Variants in CPB2 observed in about 807,000 individuals in gnomAD.
CPB2 encodes the protein carboxypeptidase B2, also known as carboxypeptidase B-like protein.
CPB2 carries 54 observed loss-of-function variants against 57.0 expected under a neutral mutation model. The observed-to-expected ratio is 0.95, with a 90% confidence interval of 0.76 to 1.19. CPB2 has a LOEUF of 1.19. CPB2 is among the 50% of genes most tolerant of loss of function. The pLI, the probability that CPB2 is intolerant of heterozygous loss-of-function variation, is 0.00. For missense variants in CPB2, 426 were observed against 512.0 expected (o/e 0.83, Z 1.62); for synonymous variants, 189 against 178.1 (o/e 1.06, Z -0.49).
chr13:46,104,603 G>C (rs2045472114), intron 1 of CPB2, among the ~76,000 whole-genome samples: 1 of 152,118 alleles, frequency 6.6e-6, no homozygotes, highest in African/African-American at 2.4e-5. Context: ...TGTGAAGACA[G>C]GAAGAATATG....
intron 2 of CPB2, 83 bp downstream of exon 2, chr13:46,087,662 C>A: frequency 2.3e-6 from 2 of 872,442 alleles, no homozygotes; most frequent in South Asian, 1.4e-5. Flanking sequence ...TACATGTAAG[C>A]CAGACAACAT....
rs1219128845 is a variant in CPB2 at position 46,098,536 on chromosome 13, C to CAGCTTCCT, written c.74+6399_74+6400insAGGAAGCT. ...CTAGATCTCCATCCAGGGATGAACTCTTATTTCCTCAGCTTCTTTGTCTCC... is the reference window on the plus strand; with the variant it reads ...CTAGATCTCCATCCAGGGATGAACTCAGCTTCCTTTATTTCCTCAGCTTCTTTGTCTCC... On this transcript the variant is annotated intron_variant, in intron 1 of 10. Coordinates refer to ENST00000181383, the MANE Select transcript of CPB2 (RefSeq NM_001872.5). The CAGCTTCCT allele has an allele frequency of 5.2e-5, 8 of 152,402 alleles. No homozygotes were observed. In the East Asian group the frequency reaches 1.3e-3, roughly 26 times the overall value. The allele number at this position is 152,402 out of a possible 1,614,324, so 9.4% of individuals were successfully genotyped here.
At chr13:46,078,997 C>A (rs1253509199) in intron 4 of CPB2, 96 bp from the exon 5 acceptor site, 1 of 749,974 alleles carries the variant, frequency 1.3e-6, no homozygotes. Flanking sequence ...AAAGGAAAAC[C>A]TCTGTATGTG....
rs1190640250 is a variant in CPB2 at position 46,064,715 on chromosome 13, A to G, written c.729T>C (p.Ser243=). The G allele has an allele frequency of 1.1e-5, 17 of 1,614,146 alleles. No individual in the cohort carries two copies. The highest frequency in any genetic ancestry group is 1.2e-5 in the Non-Finnish European group (14 of 1,179,986). ...CGATGCAATGATTGTTCGCATAGAA[A>G]GAACGGTTCTTTCTCCACATTCGAT... ...KKNRMWRKNR[S]FYANNHCIGT... is the part of the protein sequence containing the mutation. Residue 243 remains serine (S), a synonymous_variant, in exon 8 of 11, where the codon TCT becomes TCC. Coordinates refer to ENST00000181383, the MANE Select transcript of CPB2 (RefSeq NM_001872.5).
At chr13:46,088,289 A>C (rs1160915617) in intron 1 of CPB2, among the ~76,000 whole-genome samples, 1 of 152,022 alleles carries the variant, frequency 6.6e-6, no homozygotes, top group Admixed American at 6.6e-5. Flanking sequence ...CTCTACCTTA[A>C]ATTTTGACTT....
chr13:46,087,463 A>G (rs538691010), intron 2 of CPB2, among the ~76,000 whole-genome samples: 13 of 152,336 alleles, frequency 8.5e-5, no homozygotes, highest in East Asian at 5.8e-4. Flanking sequence ...GTAAGGTTTT[A>G]TTTATAAATA....
At chr13:46,086,683 C>T (rs916892328) in intron 2 of CPB2, among the ~76,000 whole-genome samples, 1 of 152,224 alleles carries the variant, frequency 6.6e-6, no homozygotes, top group Admixed American at 6.5e-5. Flanking sequence ...TCACCAGGGA[C>T]CCGCCCTTTT....
intron 1 of CPB2, among the ~76,000 whole-genome samples, chr13:46,098,106 G>A (rs758489402): frequency 2.0e-4 from 31 of 152,294 alleles, no homozygotes; most frequent in South Asian, 4.1e-4. Flanking sequence ...CAGCTTAGGC[G>A]TTCTGTAATA....
At position 46,058,272 on chromosome 13, in the gene CPB2, C is replaced by A. The variant is rs558696589; in HGVS notation, c.906G>T (p.Gln302His). ...AATGCATGCTGATGTATGCTTTAAT[C>A]TGGTTGATATTTCTTCTCAAGAAAC... is the stretch of plus-strand genomic sequence containing the variant. ...VASFLRRNINQIKAYISMHSY... is the reference protein window; with the variant it reads ...VASFLRRNINHIKAYISMHSY... The change falls in exon 9 of 11, where the codon CAG (glutamine) becomes CAT (histidine). Residue 302 changes from glutamine (Q) to histidine (H), a missense_variant. By Grantham distance (24) the Gln-to-His change is conservative. Coordinates refer to ENST00000181383, the MANE Select transcript of CPB2 (RefSeq NM_001872.5). 1.2e-6 allele frequency: 2 copies of A among 1,614,016 alleles called. No homozygotes were observed. The highest frequency in any genetic ancestry group is 1.1e-5 in the South Asian group (1 of 91,086).
At chr13:46,060,721 C>T (rs2044760769) in intron 8 of CPB2, among the ~76,000 whole-genome samples, 1 of 152,090 alleles carries the variant, frequency 6.6e-6, no homozygotes, top group African/African-American at 2.4e-5. Flanking sequence ...CAGTGAGCCT[C>T]AGATTCTCAT....
intron 6 of CPB2, 40 bp from the exon 7 acceptor site, chr13:46,067,457 G>A: frequency 1.0e-6 from 1 of 1,001,932 alleles, no homozygotes; most frequent in Non-Finnish European, 1.6e-6. Flanking sequence ...GATGTTTTAA[G>A]TTCTTCTAAA....
chr13:46,066,962 CT>C (rs200127221), intron 7 of CPB2, among the ~76,000 whole-genome samples: 39 of 141,848 alleles, frequency 2.7e-4, no homozygotes, highest in Non-Finnish European at 2.9e-4. Flanking sequence ...TTTCAGAGTT[CT>C]TTTTTTTTTA....
At chr13:46,094,766 A>G (rs2045342919) in intron 1 of CPB2, 2 of 152,198 alleles carry the variant, frequency 1.3e-5, no homozygotes, top group South Asian at 4.1e-4. Context: ...CTCAATCTTT[A>G]CAATAAAAAT....
At position 46,053,483 on chromosome 13, in the gene CPB2, A is replaced by G; in HGVS notation, c.*131T>C. 7.1e-7 allele frequency: 1 copy of G among 1,405,856 alleles called. No homozygotes were observed. Among genetic ancestry groups the G allele is most frequent in the African/African-American group, 1.4e-5 (1 of 69,928 alleles). 87.1% of individuals were successfully genotyped at this position (1,405,856 alleles called of 1,614,324 possible). On this transcript the variant is annotated 3_prime_UTR_variant, in exon 11 of 11. Transcript: ENST00000181383. The stretch of plus-strand genomic sequence containing the variant: ...AAAGTAGCACTTATTAGGTTCTCTG[A>G]CAGAACCAAGGAATAGGAAAATCTT...
intron 10 of CPB2, 103 bp from the exon 11 acceptor site, chr13:46,053,901 AT>A (rs1227742253): frequency 2.1e-5 from 25 of 1,174,380 alleles, no homozygotes; most frequent in African/African-American, 1.4e-4. Context: ...ATACCTTTAG[AT>A]TTTTTTCAGT....
intron 6 of CPB2, among the ~76,000 whole-genome samples, chr13:46,071,603 G>A (rs2044943421): frequency 2.0e-5 from 3 of 152,150 alleles, no homozygotes; most frequent in South Asian, 4.1e-4. Flanking sequence ...ATCATGAACC[G>A]GGTACCAGGA....
rs1425871035 is a variant in CPB2, at chr13:46,067,397, T to G, written c.612A>C (p.Ile204=). Residue 204 remains isoleucine, a synonymous_variant, in exon 7 of 11, where the codon ATA becomes ATC. Coordinates refer to ENST00000181383, the MANE Select transcript of CPB2 (RefSeq NM_001872.5). Reference sequence around the variant, plus strand: ...TCAGGAGATTGGTATATTGCCCTATTATCCCATAGAATTGAGTTATCTGCA... The same window carrying G: ...TCAGGAGATTGGTATATTGCCCTATGATCCCATAGAATTGAGTTATCTGCA... ...FIGHITQFYG[I]IGQYTNLLRL... 2 of 1,576,532 alleles carry G rather than the reference T, an allele frequency of 1.3e-6. No homozygotes were observed. The highest frequency in any genetic ancestry group is 1.1e-5 in the South Asian group (1 of 89,834).
At chr13:46,063,058 C>T (rs1443112983) in intron 8 of CPB2, among the ~76,000 whole-genome samples, 14 of 152,188 alleles carry the variant, frequency 9.2e-5, no homozygotes. Flanking sequence ...ATGCATACTC[C>T]TTGTCAGGTT....
chr13:46,053,590 A>C lies in CPB2; in HGVS notation c.*24T>G, dbSNP rs1298788396. 1 of 1,600,092 alleles carries C rather than the reference A, an allele frequency of 6.2e-7. No homozygotes were observed. The highest frequency in any genetic ancestry group is 8.5e-7 in the Non-Finnish European group (1 of 1,169,898). On this transcript the variant is annotated 3_prime_UTR_variant, in exon 11 of 11. Coordinates refer to ENST00000181383, the MANE Select transcript of CPB2 (RefSeq NM_001872.5). ...TGGAATCAGTAAATTAAAATACGGA[A>C]GCAGAATGATAAAATCAGGGGCATT...
Sources: allele counts gnomAD v4.1 joint callset (sites outside exome capture counted in the v4.1 genomes callset), GRCh38; gene constraint gnomAD v4.1.1; transcripts MANE v1.5; gene names NCBI Gene and HGNC (gene_info 2026-07-23, HGNC 2026-07-21).